Variants in DAPK2 observed in about 807,000 individuals in gnomAD.
DAPK2 encodes death-associated protein kinase 2.
In DAPK2, 35 loss-of-function variants were observed where a neutral mutation model predicts 44.1. The observed-to-expected ratio is 0.79, with a 90% CI of 0.61 to 1.05. DAPK2 has a LOEUF of 1.05. Ranked by LOEUF, DAPK2 falls within the 50% of genes least tolerant of loss-of-function variation. The probability of loss-of-function intolerance (pLI) is 0.00; values close to 1 mark genes in which losing one functional copy is unlikely to be tolerated. For synonymous variants in DAPK2, 174 were observed against 182.6 expected (o/e 0.95, Z 0.38); for missense variants, 453 against 483.2 (o/e 0.94, Z 0.59).
upstream of DAPK2, chr15:64,046,338 G>GCGGCGGGAGCGGCGGGCA: frequency 1.2e-5 from 2 of 166,402 alleles, no homozygotes; most frequent in Non-Finnish European, 1.4e-5. The surrounding 1 kb of genome is among the most constrained non-coding windows in gnomAD (Gnocchi z 5.3). Flanking sequence ...CGCGGCAGGC[G>GCGGCGGGAGCGGCGGGCA]CGGCGGGAGC....
chr15:63,936,778 G>A (rs1410819951), intron 4 of DAPK2, among the ~76,000 whole-genome samples: 1 of 152,012 alleles, frequency 6.6e-6, no homozygotes, highest in Non-Finnish European at 1.5e-5. Flanking sequence ...CCGGGAGTTT[G>A]AGATCAGCCT....
At chr15:64,042,386 G>A (rs1468848936), upstream of DAPK2, among the ~76,000 whole-genome samples, 1 of 152,080 alleles carries the variant, frequency 6.6e-6, no homozygotes, top group African/African-American at 2.4e-5. The surrounding 1 kb of genome is among the most constrained non-coding windows in gnomAD (Gnocchi z 4.7). Flanking sequence ...AAACAATTTG[G>A]GTCAGGTCCT....
chr15:63,929,198 CAAA>C (rs10568768), intron 6 of DAPK2, among the ~76,000 whole-genome samples: 30 of 130,870 alleles, frequency 2.3e-4, no homozygotes, highest in East Asian at 2.2e-4. Context: ...GACTCTGTCT[CAAA>C]AAAAAAAAAA....
chr15:64,039,098 T>G (rs998350882), intron 1 of DAPK2, among the ~76,000 whole-genome samples: 1 of 152,180 alleles, frequency 6.6e-6, no homozygotes, highest in Admixed American at 6.5e-5. Context: ...ATGTCTCCAG[T>G]CTCCAACCAA....
chr15:64,032,266 T>C (rs1044357176), intron 1 of DAPK2, among the ~76,000 whole-genome samples: 1 of 152,128 alleles, frequency 6.6e-6, no homozygotes, highest in African/African-American at 2.4e-5. Context: ...GTGGGGTGGA[T>C]GGGGCAGGGC....
intron 1 of DAPK2, among the ~76,000 whole-genome samples, chr15:63,997,619 C>T (rs536895531): frequency 6.6e-6 from 1 of 152,338 alleles, no homozygotes; most frequent in Non-Finnish European, 1.5e-5. Context: ...GTGTGAGCCA[C>T]CATGCCCGGC....
intron 1 of DAPK2, among the ~76,000 whole-genome samples, chr15:63,988,664 T>G (rs2078730764): frequency 6.6e-6 from 1 of 151,502 alleles, no homozygotes; most frequent in Non-Finnish European, 1.5e-5. Flanking sequence ...CGACCATGGA[T>G]GGCTAATTTT....
intron 8 of DAPK2, chr15:63,922,783 C>A: frequency 6.5e-7 from 1 of 1,534,940 alleles, no homozygotes; most frequent in Non-Finnish European, 8.7e-7. Flanking sequence ...ATCTGCTGAG[C>A]AGCTCTGACA....
intron 3 of DAPK2, among the ~76,000 whole-genome samples, chr15:63,944,655 A>G (rs2077403407): frequency 6.6e-6 from 1 of 152,226 alleles, no homozygotes; most frequent in African/African-American, 2.4e-5. Flanking sequence ...ATGATTTGCC[A>G]AGGTGCAACA....
At chr15:63,996,313 T>C (rs2078948237) in intron 1 of DAPK2, among the ~76,000 whole-genome samples, 1 of 152,178 alleles carries the variant, frequency 6.6e-6, no homozygotes. Context: ...CATGGTGGCA[T>C]GTGCCTGTAG....
chr15:64,036,956 C>A (rs899755694), intron 1 of DAPK2, among the ~76,000 whole-genome samples: 1 of 152,136 alleles, frequency 6.6e-6, no homozygotes, highest in African/African-American at 2.4e-5. Context: ...GAACACTTAC[C>A]CCATGCCCAG....
chr15:64,000,828 C>T (rs767245133), intron 1 of DAPK2, among the ~76,000 whole-genome samples: 18 of 151,942 alleles, frequency 1.2e-4, no homozygotes, highest in Non-Finnish European at 2.6e-4. Context: ...GTGGTGGGGG[C>T]ACCCTCTGAC....
chr15:63,970,407 A>T (rs2078180165), intron 3 of DAPK2, among the ~76,000 whole-genome samples: 1 of 152,040 alleles, frequency 6.6e-6, no homozygotes, highest in Admixed American at 6.6e-5. Flanking sequence ...ATCCTTCAGA[A>T]CTCAACTACA....
At chr15:63,991,285 C>G (rs540358282) in intron 1 of DAPK2, 50 of 456,282 alleles carry the variant, frequency 1.1e-4, no homozygotes, top group African/African-American at 7.8e-4. Flanking sequence ...GTGAGAAACA[C>G]GCAGGGAGCA....
At chr15:63,943,830 C>T (rs112936258) in intron 3 of DAPK2, among the ~76,000 whole-genome samples, 2,054 of 152,214 alleles carry the variant, frequency 0.013, 37 homozygotes, top group African/African-American at 0.047. Flanking sequence ...GAGCTGAGAT[C>T]GTACCACTGT....
chr15:63,981,285 T>C (rs752206573), intron 2 of DAPK2, among the ~76,000 whole-genome samples: 3 of 151,824 alleles, frequency 2.0e-5, no homozygotes, highest in African/African-American at 7.3e-5. Flanking sequence ...CTGTAGAGAG[T>C]CCCCATTAGC....
intron 8 of DAPK2, chr15:63,919,438 C>T (rs2079013854): frequency 6.6e-6 from 1 of 152,140 alleles, no homozygotes; most frequent in African/African-American, 2.4e-5. Flanking sequence ...CAATTTTCCC[C>T]ATTCAAATCA....
At chr15:63,925,883 C>T (rs1028711156) in intron 7 of DAPK2, 58 bp downstream of exon 8, 76 of 1,608,380 alleles carry the variant, frequency 4.7e-5, no homozygotes, top group Non-Finnish European at 6.3e-5. Context: ...AGGTCTTTGA[C>T]AGAGGCGACA....
chr15:63,948,669 G>A (rs1368251862), intron 3 of DAPK2, among the ~76,000 whole-genome samples: 2 of 152,146 alleles, frequency 1.3e-5, no homozygotes, highest in East Asian at 3.9e-4. Flanking sequence ...TGAAGGCAGG[G>A]CCTGCTTCTC....
Sources: gnomAD v4.1 joint callset for allele counts (sites outside exome capture counted in the v4.1 genomes callset) on GRCh38, gnomAD v4.1.1 for gene constraint, Gnocchi (gnomAD v3.1) non-coding constraint, MANE v1.5 for transcripts, NCBI Gene and HGNC (gene_info 2026-07-23, HGNC 2026-07-21) for gene names.